DEPDC5: variants seen among roughly 807,000 people sequenced by gnomAD.
The protein encoded by DEPDC5 is DEP domain containing 5, GATOR1 subcomplex subunit.
In DEPDC5, 73 loss-of-function variants were observed where a neutral mutation model predicts 217.3. The observed-to-expected ratio is 0.34, with a 90% CI of 0.28 to 0.41. The LOEUF (loss-of-function observed/expected upper bound fraction) is 0.41, where lower values mean the gene tolerates loss of function less well. Ranked by LOEUF, DEPDC5 falls within the 10% of genes least tolerant of loss-of-function variation. The pLI, the probability that DEPDC5 is intolerant of heterozygous loss-of-function variation, is 1.00. For missense variants in DEPDC5, 1,675 were observed against 2,070.1 expected (o/e 0.81, Z 3.70); for synonymous variants, 733 against 756.7 (o/e 0.97, Z 0.51).
chr22:31,893,826 A>G, intron 39 of DEPDC5, 75 bp downstream of exon 39: 2 of 1,398,518 alleles, frequency 1.4e-6, no homozygotes, highest in Non-Finnish European at 1.9e-6. Context: ...ATAGAGATTC[A>G]TGTCACTTTA....
chr22:31,784,035 A>G, intron 9 of DEPDC5, 50 bp downstream of exon 9: 4 of 1,484,180 alleles, frequency 2.7e-6, no homozygotes, highest in Non-Finnish European at 3.7e-6. Flanking sequence ...AATTTTCTGG[A>G]ACTGCAAATG....
At chr22:31,802,962 G>A (rs756827666) in intron 15 of DEPDC5, 124 bp downstream of exon 15, 33 of 1,257,922 alleles carry the variant, frequency 2.6e-5, no homozygotes, top group Middle Eastern at 2.0e-4. Flanking sequence ...GTGTCACAAC[G>A]TCTGTGGATG....
At chr22:31,857,112 T>G (rs1602468275) in intron 31 of DEPDC5, among the ~76,000 whole-genome samples, 1 of 152,082 alleles carries the variant, frequency 6.6e-6, no homozygotes, top group African/African-American at 2.4e-5. Flanking sequence ...AAATAAAAAT[T>G]GAGAAAAAAG....
At chr22:31,798,526 A>G in intron 13 of DEPDC5, 56 bp from the exon 14 acceptor site, 1 of 1,526,014 alleles carries the variant, frequency 6.6e-7, no homozygotes, top group South Asian at 1.1e-5. Context: ...TAAAATTAAA[A>G]AAAAAAGTTC....
intron 38 of DEPDC5, among the ~76,000 whole-genome samples, chr22:31,893,091 G>A (rs1290820040): frequency 6.6e-6 from 1 of 151,942 alleles, no homozygotes; most frequent in Non-Finnish European, 1.5e-5. Flanking sequence ...GGCCAGGATG[G>A]TCTCGATCTC....
intron 10 of DEPDC5, among the ~76,000 whole-genome samples, chr22:31,790,418 G>A (rs572133563): frequency 3.9e-4 from 59 of 152,260 alleles, no homozygotes; most frequent in African/African-American, 1.3e-3. Context: ...CTAGGATATT[G>A]ATCTCCAGAC....
At chr22:31,823,520 C>A (rs115769378) in intron 24 of DEPDC5, among the ~76,000 whole-genome samples, 3,669 of 125,944 alleles carry the variant, frequency 0.029, 65 homozygotes, top group Middle Eastern at 0.071. Context: ...GCTGCACAGC[C>A]AGACTCCATC....
intron 18 of DEPDC5, among the ~76,000 whole-genome samples, chr22:31,808,124 A>G (rs745336167): frequency 2.6e-5 from 4 of 151,982 alleles, no homozygotes; most frequent in Non-Finnish European, 5.9e-5. Flanking sequence ...TTTTTGAGAC[A>G]GAGTCTCGCT....
At chr22:31,764,292 A>G (rs1261497479) in intron 4 of DEPDC5, among the ~76,000 whole-genome samples, 5 of 152,162 alleles carry the variant, frequency 3.3e-5, no homozygotes, top group Admixed American at 2.0e-4. Context: ...GTTTCTTACC[A>G]GACTTAAGGG....
chr22:31,828,790 C>T (rs74524460), intron 24 of DEPDC5, among the ~76,000 whole-genome samples: 3,807 of 152,264 alleles, frequency 0.025, 60 homozygotes, highest in African/African-American at 0.041. Context: ...TGAGAAGAAA[C>T]AAAAACTACT....
intron 24 of DEPDC5, among the ~76,000 whole-genome samples, chr22:31,827,154 T>C (rs1017996440): frequency 6.6e-6 from 1 of 152,158 alleles, no homozygotes; most frequent in East Asian, 1.9e-4. Flanking sequence ...TTAAGTGGGG[T>C]CATCTTTTCC....
Position 31,794,520 on chromosome 22 carries a change from A to G in DEPDC5, c.767+1703A>G, listed in dbSNP as rs115559912. Among the ~76,000 whole-genome samples the G allele has an allele frequency of 2.2e-3, 334 of 152,264 alleles. 2 individuals are homozygous for G. Among genetic ancestry groups the G allele is most frequent in the African/African-American group, 7.5e-3 (310 of 41,554 alleles). On this transcript the variant is annotated intron_variant, in intron 12 of 42. Transcript: ENST00000651528. ...TTATGTCATTAAAAAGTCATCCTCA[A>G]CGTTTTTTAGATTGAGAGAAACTGG...
At chr22:31,905,009 A>C (rs1270894129) in intron 41 of DEPDC5, among the ~76,000 whole-genome samples, 1 of 152,074 alleles carries the variant, frequency 6.6e-6, no homozygotes, top group Non-Finnish European at 1.5e-5. Flanking sequence ...TCAGACTTAG[A>C]GGGCAGGAGC....
At chr22:31,754,539 C>G (rs1481307178) in intron 1 of DEPDC5, among the ~76,000 whole-genome samples, 1 of 152,246 alleles carries the variant, frequency 6.6e-6, no homozygotes, top group Non-Finnish European at 1.5e-5. Flanking sequence ...TTTAAGATCT[C>G]TTTACTATTT....
chr22:31,764,031 G>A (rs556694548), intron 4 of DEPDC5, among the ~76,000 whole-genome samples: 2 of 152,086 alleles, frequency 1.3e-5, no homozygotes, highest in South Asian at 4.2e-4. Context: ...CTAGGTTCAA[G>A]CAATTCTCCT....
intron 7 of DEPDC5, among the ~76,000 whole-genome samples, chr22:31,771,815 T>TC (rs987997492): frequency 2.7e-5 from 4 of 146,766 alleles, no homozygotes; most frequent in African/African-American, 1.0e-4. Context: ...ATGCCTCTAA[T>TC]CCCAGCACTT....
rs183625282 is a variant in DEPDC5, at chr22:31,879,829, C to T, written c.4033+77C>T. ...GGAAAGTAGTGGCCAGCCAAGGGAA[C>T]GATGCCACATGAACCAGGATTAGAG... On this transcript the variant is annotated intron_variant, in intron 38 of 42. Transcript: ENST00000651528. 53 of 1,358,492 alleles carry T rather than the reference C, an allele frequency of 3.9e-5. No homozygotes were observed. The African/African-American group carries it at 5.3e-4, about 14-fold the overall frequency. The allele number at this position is 1,358,492 out of a possible 1,614,324, so 84.2% of individuals were successfully genotyped here.
chr22:31,796,547 A>G (rs1048993736), intron 12 of DEPDC5, among the ~76,000 whole-genome samples: 5 of 152,164 alleles, frequency 3.3e-5, no homozygotes, highest in Non-Finnish European at 7.4e-5. Context: ...CTTAGTTTTT[A>G]TGATAAATTG....
At chr22:31,904,620 G>A (rs1461677549) in intron 41 of DEPDC5, among the ~76,000 whole-genome samples, 1 of 152,214 alleles carries the variant, frequency 6.6e-6, no homozygotes, top group Non-Finnish European at 1.5e-5. Flanking sequence ...GCGCGTGCCT[G>A]TAATCCTAGC....
Sources: gnomAD v4.1 joint callset for allele counts (sites outside exome capture counted in the v4.1 genomes callset) on GRCh38, gnomAD v4.1.1 for gene constraint, MANE v1.5 for transcripts, NCBI Gene and HGNC (gene_info 2026-07-23, HGNC 2026-07-21) for gene names.